SLC6A11: variants seen among roughly 807,000 people sequenced by gnomAD.
SLC6A11 encodes the protein sodium- and chloride-dependent GABA transporter 3.
A neutral mutation model predicts 74.8 loss-of-function variants in SLC6A11; 25 were observed. The ratio of observed to expected loss-of-function variants is 0.33; its 90% CI spans 0.24 to 0.47. The LOEUF is 0.47. SLC6A11 is among the 20% of genes least tolerant of loss of function. The pLI is 1.00. For synonymous variants in SLC6A11, 330 were observed against 330.2 expected, an observed-to-expected ratio of 1.00 and a Z score of 0.01; for missense variants, 574 against 837.0, an observed-to-expected ratio of 0.69 and a Z score of 3.88.
At chr3:10,934,036 G>A (rs376204904) in intron 11 of SLC6A11, 30 bp from the exon 12 acceptor site, 72 of 1,488,862 alleles carry the variant, frequency 4.8e-5, no homozygotes, top group Non-Finnish European at 6.0e-5. Context: ...TCTGGGGTGT[G>A]TATGTTCCCC....
chr3:10,818,693 TAGAC>T (rs1694096775), intron 1 of SLC6A11, among the ~76,000 whole-genome samples: 2 of 152,222 alleles, frequency 1.3e-5, no homozygotes, highest in African/African-American at 4.8e-5. Flanking sequence ...GCTTCGTTAT[TAGAC>T]AGGAGGGACA....
At position 10,819,449 on chromosome 3, in the gene SLC6A11, C is replaced by A. The variant is rs745844323; in HGVS notation, c.257-16C>A. Reference sequence around the variant, plus strand: ...GGCAGGGACAGTTTTCATTTCATTCCTTTGCATCCTTACAGGGGCATTCCT... The same window carrying A: ...GGCAGGGACAGTTTTCATTTCATTCATTTGCATCCTTACAGGGGCATTCCT... On this transcript the variant is annotated splice_polypyrimidine_tract_variant and intron_variant, in intron 1 of 13. Coordinates refer to ENST00000254488, the MANE Select transcript of SLC6A11 (RefSeq NM_014229.3). 1 of 1,601,448 alleles carries A rather than the reference C, an allele frequency of 6.2e-7. No individual in the cohort carries two copies. The highest frequency in any genetic ancestry group is 1.4e-5 in the African/African-American group (1 of 73,982).
Position 10,909,156 on chromosome 3 carries a change from A to G in SLC6A11, c.892-2934A>G, listed in dbSNP as rs1695350881. Among the ~76,000 whole-genome samples the G allele has an allele frequency of 2.0e-5, 3 of 151,146 alleles. No individual in the cohort carries two copies. The South Asian group carries it at 6.3e-4, about 32-fold the overall frequency. On this transcript the variant is annotated intron_variant, in intron 6 of 13. Transcript: ENST00000254488. Reference sequence around the variant, plus strand: ...GTCCCATTGACTTGCCTTGCATCATATGCTCATCCATGAACCAGTCACTGT... The same window carrying G: ...GTCCCATTGACTTGCCTTGCATCATGTGCTCATCCATGAACCAGTCACTGT...
intron 5 of SLC6A11, among the ~76,000 whole-genome samples, chr3:10,849,118 T>G (rs913386843): frequency 5.3e-5 from 8 of 152,214 alleles, no homozygotes; most frequent in African/African-American, 1.9e-4. Context: ...TCATAGATAT[T>G]TTCCCTCACT....
chr3:10,906,154 C>T (rs1475655034), intron 6 of SLC6A11, among the ~76,000 whole-genome samples: 2 of 152,138 alleles, frequency 1.3e-5, no homozygotes, highest in African/African-American at 2.4e-5. Flanking sequence ...CACCATATTG[C>T]TCAGATCTGG....
At chr3:10,934,426 C>A (rs1359202706) in intron 12 of SLC6A11, among the ~76,000 whole-genome samples, 1 of 152,172 alleles carries the variant, frequency 6.6e-6, no homozygotes, top group Non-Finnish European at 1.5e-5. Context: ...GTGCTGCATA[C>A]GCAAATCGGG....
chr3:10,842,181 G>A (rs139439923), intron 4 of SLC6A11, among the ~76,000 whole-genome samples: 31 of 152,282 alleles, frequency 2.0e-4, no homozygotes, highest in African/African-American at 7.2e-4. Flanking sequence ...CTTCTCAAGG[G>A]ATCCATGACT....
intron 6 of SLC6A11, among the ~76,000 whole-genome samples, chr3:10,898,186 G>C (rs1695193490): frequency 6.6e-6 from 1 of 152,218 alleles, no homozygotes; most frequent in Admixed American, 6.5e-5. Flanking sequence ...CCTGTGATGG[G>C]AGGGGCTGCT....
intron 13 of SLC6A11, among the ~76,000 whole-genome samples, chr3:10,936,607 T>C (rs1372713012): frequency 6.6e-6 from 1 of 152,152 alleles, no homozygotes; most frequent in African/African-American, 2.4e-5. Flanking sequence ...AAAGTCTCTT[T>C]CTCAAGCCTG....
chr3:10,904,941 G>A (rs1159656921), intron 6 of SLC6A11, among the ~76,000 whole-genome samples: 1 of 152,200 alleles, frequency 6.6e-6, no homozygotes, highest in Non-Finnish European at 1.5e-5. Flanking sequence ...TTGTGTACAT[G>A]AGAGCCTGTA....
intron 6 of SLC6A11, among the ~76,000 whole-genome samples, chr3:10,883,785 C>G (rs2106610769): frequency 6.6e-6 from 1 of 152,164 alleles, no homozygotes; most frequent in South Asian, 2.1e-4. Context: ...ACAAAAATGT[C>G]CATATCGACA....
At position 10,938,336 on chromosome 3, in the gene SLC6A11, C is replaced by T. The variant is rs377389105; in HGVS notation, c.1833C>T (p.Asp611=). ...GVSPRMVTVN[D]CDAKLKSDGT... ...GCCCACGGATGGTGACAGTTAATGA[C>T]TGTGATGCCAAACTCAAGAGTGACG... is the stretch of plus-strand genomic sequence containing the variant. Residue 611 remains aspartate, a synonymous_variant, in exon 14 of 14, where the codon GAC becomes GAT. Transcript: ENST00000254488. 1.3e-5 allele frequency: 21 copies of T among 1,613,042 alleles called. No individual in the cohort carries two copies. The highest frequency in any genetic ancestry group is 1.7e-5 in the Non-Finnish European group (20 of 1,179,278).
chr3:10,867,679 C>G (rs1237792357), intron 5 of SLC6A11, among the ~76,000 whole-genome samples: 1 of 152,190 alleles, frequency 6.6e-6, no homozygotes, highest in African/African-American at 2.4e-5. Flanking sequence ...CACTCGTGGT[C>G]CACGGGATGA....
chr3:10,853,502 A>C (rs1161930951), intron 5 of SLC6A11, among the ~76,000 whole-genome samples: 1 of 152,132 alleles, frequency 6.6e-6, no homozygotes, highest in Non-Finnish European at 1.5e-5. Flanking sequence ...GTCAGTTGGC[A>C]TCCAAGCAGC....
chr3:10,911,544 A>G (rs1180652877), intron 6 of SLC6A11, among the ~76,000 whole-genome samples: 1 of 152,172 alleles, frequency 6.6e-6, no homozygotes, highest in Non-Finnish European at 1.5e-5. Flanking sequence ...GCCACCTTTT[A>G]TGCTGAGGTC....
intron 1 of SLC6A11, among the ~76,000 whole-genome samples, chr3:10,817,762 C>T (rs1331458406): frequency 1.3e-5 from 2 of 152,184 alleles, no homozygotes; most frequent in Non-Finnish European, 2.9e-5. Context: ...ACAGGCTGCT[C>T]CAAGCCTGCT....
intron 3 of SLC6A11, among the ~76,000 whole-genome samples, chr3:10,821,737 CTTG>C (rs1001610767): frequency 5.3e-5 from 8 of 151,834 alleles, no homozygotes; most frequent in African/African-American, 1.2e-4. Flanking sequence ...GACTTTATAA[CTTG>C]TTGTTTATTT....
At chr3:10,905,098 AC>A (rs1449896245) in intron 6 of SLC6A11, among the ~76,000 whole-genome samples, 1 of 152,222 alleles carries the variant, frequency 6.6e-6, no homozygotes, top group African/African-American at 2.4e-5. Context: ...TCTAATGCCC[AC>A]CATGATTTTG....
At chr3:10,916,675 G>C (rs1695458550) in intron 7 of SLC6A11, among the ~76,000 whole-genome samples, 1 of 152,224 alleles carries the variant, frequency 6.6e-6, no homozygotes, top group African/African-American at 2.4e-5. Flanking sequence ...AGCAAGTCAT[G>C]TGGCTAAGCC....
Sources: gnomAD v4.1 joint callset for allele counts (sites outside exome capture counted in the v4.1 genomes callset) on GRCh38, gnomAD v4.1.1 for gene constraint, MANE v1.5 for transcripts, NCBI Gene and HGNC (gene_info 2026-07-23, HGNC 2026-07-21) for gene names.